Variants in SETD2 observed in about 807,000 individuals in gnomAD.
SETD2 encodes the protein histone-lysine N-methyltransferase SETD2.
SETD2 carries 31 observed loss-of-function variants against 242.1 expected under a neutral mutation model. The observed-to-expected ratio is 0.13, with a 90% confidence interval of 0.10 to 0.17. SETD2 has a LOEUF of 0.17. Ranked by LOEUF, SETD2 falls within the 10% of genes least tolerant of loss-of-function variation. The pLI is 1.00. For synonymous variants in SETD2, 1,006 were observed against 1,066.5 expected, an observed-to-expected ratio of 0.94 and a Z score of 1.11; for missense variants, 2,481 against 3,046.3, an observed-to-expected ratio of 0.81 and a Z score of 4.37.
At chr3:47,096,826 C>A (rs1477295472) in intron 9 of SETD2, among the ~76,000 whole-genome samples, 1 of 152,076 alleles carries the variant, frequency 6.6e-6, no homozygotes, top group African/African-American at 2.4e-5. Context: ...CTAAAGAACA[C>A]ATGACATTCC....
rs1368899673 is a variant in SETD2 at position 47,122,354 on chromosome 3, A to G, written c.2282T>C (p.Met761Thr). ...ATCCACAGTCATAACTGGCATAGACATGAGTTTATCTTGGTGTGGTGACAC... is the reference window on the plus strand; with the variant it reads ...ATCCACAGTCATAACTGGCATAGACGTGAGTTTATCTTGGTGTGGTGACAC... ...PLVSPHQDKL[M>T]SMPVMTVDYS... Residue 761 changes from methionine to threonine, a missense_variant, in exon 3 of 21, where the codon ATG (methionine) becomes ACG (threonine). Met to Thr is a moderately conservative substitution (Grantham distance 81). Transcript: ENST00000409792. 6.2e-6 allele frequency: 10 copies of G among 1,614,060 alleles called. No homozygotes were observed. Among genetic ancestry groups the G allele is most frequent in the Non-Finnish European group, 7.6e-6 (9 of 1,180,008 alleles).
At chr3:47,095,420 C>T (rs971727087) in intron 9 of SETD2, among the ~76,000 whole-genome samples, 1 of 152,210 alleles carries the variant, frequency 6.6e-6, no homozygotes, top group African/African-American at 2.4e-5. Context: ...AGGCGTGAGC[C>T]ACCGTGCCTG....
chr3:47,087,192 G>A (rs962298478), intron 10 of SETD2, among the ~76,000 whole-genome samples: 3 of 149,202 alleles, frequency 2.0e-5, no homozygotes, highest in African/African-American at 7.4e-5. Flanking sequence ...GCTATGGCAA[G>A]TGTGATGAAT....
chr3:47,057,804 A>G (rs1347936187), intron 14 of SETD2, among the ~76,000 whole-genome samples: 3 of 152,216 alleles, frequency 2.0e-5, no homozygotes, highest in Non-Finnish European at 4.4e-5. Context: ...CACAAATTCT[A>G]AAATTAAAAT....
chr3:47,053,837 A>G (rs184379401), intron 15 of SETD2, among the ~76,000 whole-genome samples: 1 of 152,316 alleles, frequency 6.6e-6, no homozygotes, highest in East Asian at 1.9e-4. Context: ...ATCTCCCCTG[A>G]ATACTATTAA....
At chr3:47,056,094 T>TTTTTTTAA (rs1421586594) in intron 15 of SETD2, among the ~76,000 whole-genome samples, 10 of 116,422 alleles carry the variant, frequency 8.6e-5, no homozygotes, top group African/African-American at 3.3e-4. Context: ...AAAACATGAT[T>TTTTTTTAA]TTTATTTATT....
At chr3:47,135,655 T>G (rs1049034150) in intron 1 of SETD2, among the ~76,000 whole-genome samples, 1 of 152,218 alleles carries the variant, frequency 6.6e-6, no homozygotes, top group Non-Finnish European at 1.5e-5. Context: ...TGCCATTTAT[T>G]AACTCTATGG....
intron 11 of SETD2, among the ~76,000 whole-genome samples, chr3:47,084,737 TG>T (rs1205648098): frequency 1.3e-5 from 2 of 151,680 alleles, no homozygotes; most frequent in Non-Finnish European, 2.9e-5. Context: ...CAGTTGATTT[TG>T]TTTTTTTTTT....
At chr3:47,026,505 A>G (rs2038486215) in intron 18 of SETD2, among the ~76,000 whole-genome samples, 2 of 152,224 alleles carry the variant, frequency 1.3e-5, no homozygotes, top group South Asian at 2.1e-4. Context: ...ACATGCACAC[A>G]TATTTTTATT....
At chr3:47,049,831 T>C (rs980923855) in intron 15 of SETD2, among the ~76,000 whole-genome samples, 6 of 146,288 alleles carry the variant, frequency 4.1e-5, no homozygotes, top group Non-Finnish European at 6.0e-5. Flanking sequence ...ATATATAAAC[T>C]TATTCTGAGT....
intron 9 of SETD2, among the ~76,000 whole-genome samples, chr3:47,090,046 A>G (rs1406722431): frequency 1.3e-5 from 2 of 152,124 alleles, no homozygotes; most frequent in Non-Finnish European, 2.9e-5. Flanking sequence ...TCAGGAGTTC[A>G]AGACGAGCCT....
At chr3:47,048,562 CA>C (rs140335790) in intron 15 of SETD2, among the ~76,000 whole-genome samples, 5,559 of 152,198 alleles carry the variant, frequency 0.037, 340 homozygotes, top group African/African-American at 0.13. Flanking sequence ...AGTTTATTAA[CA>C]TTTTTTTAAT....
intron 1 of SETD2, among the ~76,000 whole-genome samples, chr3:47,160,467 AT>A (rs3036093): frequency 0.016 from 2,252 of 142,520 alleles, 26 homozygotes; most frequent in Middle Eastern, 0.035. Context: ...CACCAGACTA[AT>A]TTTTTTTTTT....
chr3:47,099,024 C>G (rs564716799), intron 8 of SETD2, among the ~76,000 whole-genome samples: 5 of 152,224 alleles, frequency 3.3e-5, no homozygotes, highest in Middle Eastern at 3.4e-3. Context: ...CCCTGAATAT[C>G]TGACAAGAGA....
intron 1 of SETD2, chr3:47,163,643 G>T: frequency 3.6e-6 from 1 of 279,178 alleles, no homozygotes; most frequent in Non-Finnish European, 6.3e-6. Flanking sequence ...GAGCAGCGGC[G>T]CCAACGCCGG....
At chr3:47,019,166 CCA>C (rs989737561) in intron 19 of SETD2, among the ~76,000 whole-genome samples, 1 of 152,176 alleles carries the variant, frequency 6.6e-6, no homozygotes, top group Non-Finnish European at 1.5e-5. Flanking sequence ...CAGCATTCTC[CCA>C]AGCCCTGGAG....
intron 12 of SETD2, among the ~76,000 whole-genome samples, chr3:47,067,472 T>G (rs1575718999): frequency 1.4e-5 from 2 of 139,124 alleles, no homozygotes; most frequent in South Asian, 4.7e-4. Flanking sequence ...TGAAGGGCAG[T>G]GGCATGATCT....
intron 16 of SETD2, among the ~76,000 whole-genome samples, chr3:47,043,982 T>A (rs565448323): frequency 6.6e-6 from 1 of 152,184 alleles, no homozygotes; most frequent in African/African-American, 2.4e-5. Flanking sequence ...CTTGTGATCA[T>A]CATCTCTCTT....
intron 18 of SETD2, among the ~76,000 whole-genome samples, chr3:47,035,301 A>C (rs897315946): frequency 1.3e-5 from 2 of 152,208 alleles, no homozygotes; most frequent in African/African-American, 4.8e-5. Context: ...CTCATTGTGA[A>C]GGCGCCAGCT....
Sources: allele counts gnomAD v4.1 joint callset (sites outside exome capture counted in the v4.1 genomes callset), GRCh38; gene constraint gnomAD v4.1.1; transcripts MANE v1.5; gene names NCBI Gene and HGNC (gene_info 2026-07-23, HGNC 2026-07-21).